ZNF678: variants seen among roughly 807,000 people sequenced by gnomAD.
ZNF678 encodes zinc finger protein 678, also known as hypothetical protein MGC42493.
ZNF678 carries 5 observed loss-of-function variants against 3.0 expected under a neutral mutation model. The observed-to-expected ratio is 1.69, with a 90% CI of 0.88 to 3.56. The LOEUF (loss-of-function observed/expected upper bound fraction) is 3.56. Ranked by LOEUF, ZNF678 falls within the 30% of genes most tolerant of loss-of-function variation. The probability of loss-of-function intolerance (pLI) is 0.00; values close to 1 mark genes in which losing one functional copy is unlikely to be tolerated. For missense variants in ZNF678, 593 were observed against 605.0 expected, an observed-to-expected ratio of 0.98 and a Z score of 0.21; for synonymous variants, 218 against 199.6, an observed-to-expected ratio of 1.09 and a Z score of -0.78.
intron 1 of ZNF678, among the ~76,000 whole-genome samples, chr1:227,605,416 ACTTT>A (rs1450230386): frequency 1.3e-5 from 2 of 152,198 alleles, no homozygotes; most frequent in Non-Finnish European, 2.9e-5. Context: ...ATGTAGAGTC[ACTTT>A]CTTTATCTTT....
In ZNF678 at chr1:227,661,039, A is replaced by G. The variant is rs1003757510; in HGVS notation, c.*5211A>G. On this transcript the variant is annotated 3_prime_UTR_variant, in exon 4 of 4. Coordinates refer to ENST00000343776, the MANE Select transcript of ZNF678 (RefSeq NM_001367909.1). ...ACCTAGAGGAGGACACAAAGGCATC[A>G]TATGTTACATTCTCGTGACATATAA... The G allele has an allele frequency of 1.3e-5, 2 of 152,208 alleles. No individual in the cohort carries two copies. Among genetic ancestry groups the G allele is most frequent in the Admixed American group, 1.3e-4 (2 of 15,278 alleles). 9.4% of individuals were successfully genotyped at this position (152,208 alleles called of 1,614,324 possible).
intron 1 of ZNF678, 81 bp downstream of exon 1, chr1:227,563,805 G>A (rs1176515592): frequency 4.0e-6 from 5 of 1,249,248 alleles, no homozygotes; most frequent in Admixed American, 2.3e-5. Flanking sequence ...CCGGAGTCCC[G>A]GCTGGCACCT....
intron 1 of ZNF678, among the ~76,000 whole-genome samples, chr1:227,640,507 G>A (rs1332852593): frequency 6.6e-6 from 1 of 152,040 alleles, no homozygotes; most frequent in Non-Finnish European, 1.5e-5. Flanking sequence ...ATTTGAACAG[G>A]TGAGCAAAAA....
intron 1 of ZNF678, among the ~76,000 whole-genome samples, chr1:227,643,534 AG>A: frequency 6.6e-6 from 1 of 152,226 alleles, no homozygotes; most frequent in South Asian, 2.1e-4. Flanking sequence ...TGATTAGGGG[AG>A]ATCAGAGGTT....
chr1:227,604,838 C>T (rs2999745), intron 1 of ZNF678, among the ~76,000 whole-genome samples: 72,629 of 151,982 alleles, frequency 0.48, 18,604 homozygotes, highest in African/African-American at 0.66. Context: ...TTATTACCTT[C>T]TTTTTCAGTT....
intron 1 of ZNF678, among the ~76,000 whole-genome samples, chr1:227,589,437 C>T (rs1297313098): frequency 1.3e-5 from 2 of 151,528 alleles, no homozygotes; most frequent in Non-Finnish European, 2.9e-5. Flanking sequence ...TTAGGTTTGT[C>T]GAGGATCAAA....
chr1:227,640,208 G>C (rs1417141303), intron 1 of ZNF678, among the ~76,000 whole-genome samples: 1 of 152,172 alleles, frequency 6.6e-6, no homozygotes, highest in Non-Finnish European at 1.5e-5. Context: ...CTTCAGGAGA[G>C]GGTGGTGAGG....
At chr1:227,586,886 CT>C (rs1657276408) in intron 1 of ZNF678, among the ~76,000 whole-genome samples, 1 of 152,202 alleles carries the variant, frequency 6.6e-6, no homozygotes. Context: ...TCCCTAATTA[CT>C]GTGGGGCAGG....
chr1:227,598,622 C>T lies in ZNF678; in HGVS notation c.-164+34898C>T, dbSNP rs189312249. 3.8e-5 allele frequency: 22 copies of T among 580,658 alleles called. 1 individual carries two copies. The highest frequency in any genetic ancestry group is 1.7e-4 in the South Asian group (9 of 53,248). 36.0% of individuals were successfully genotyped at this position (580,658 alleles called of 1,614,324 possible). A position where few individuals can be genotyped will look rare whatever the true frequency, so the allele number is the denominator to read the frequency against. On this transcript the variant is annotated intron_variant, in intron 1 of 3. Coordinates refer to ENST00000343776, the MANE Select transcript of ZNF678 (RefSeq NM_001367909.1). The stretch of plus-strand genomic sequence containing the variant: ...ATAAAGGTTTATCTTAAGAATTTAT[C>T]GTTCTCTTTTTGCTGAGCCCTTTAA...
intron 2 of ZNF678, among the ~76,000 whole-genome samples, chr1:227,648,350 ACT>A (rs1199640290): frequency 6.6e-6 from 1 of 152,016 alleles, no homozygotes; most frequent in African/African-American, 2.4e-5. Flanking sequence ...GTGTGTAACA[ACT>A]CTTTTACAAA....
intron 1 of ZNF678, among the ~76,000 whole-genome samples, chr1:227,567,296 G>T (rs888301438): frequency 2.0e-5 from 3 of 152,124 alleles, no homozygotes; most frequent in Non-Finnish European, 4.4e-5. Flanking sequence ...CACTGTCTTT[G>T]AGTGATTTTG....
At chr1:227,637,856 A>C (rs1008812105) in intron 1 of ZNF678, among the ~76,000 whole-genome samples, 25 of 152,144 alleles carry the variant, frequency 1.6e-4, no homozygotes, top group African/African-American at 6.0e-4. Context: ...GTCAGTTGTG[A>C]GCCCTCGGGT....
At chr1:227,618,568 G>T (rs557162336) in intron 1 of ZNF678, among the ~76,000 whole-genome samples, 1 of 152,192 alleles carries the variant, frequency 6.6e-6, no homozygotes, top group African/African-American at 2.4e-5. Context: ...GTCTCCTCTT[G>T]TGGGGACAGC....
intron 5 of ZNF678, among the ~76,000 whole-genome samples, chr1:227,672,989 T>A (rs1306799089): frequency 6.6e-6 from 1 of 152,168 alleles, no homozygotes; most frequent in Admixed American, 6.5e-5. Context: ...TTAAGCCCAG[T>A]AGGGTTGGCT....
At chr1:227,627,308 A>G (rs1658442748) in intron 1 of ZNF678, among the ~76,000 whole-genome samples, 1 of 151,992 alleles carries the variant, frequency 6.6e-6, no homozygotes, top group Non-Finnish European at 1.5e-5. Context: ...TCCTGAGGGG[A>G]GGAAACTATG....
At chr1:227,584,348 G>A (rs979638002) in intron 1 of ZNF678, among the ~76,000 whole-genome samples, 6 of 152,058 alleles carry the variant, frequency 3.9e-5, no homozygotes, top group African/African-American at 7.2e-5. Context: ...TAAACGAACC[G>A]TTTATCCACT....
At chr1:227,619,973 G>C (rs1456565269) in intron 1 of ZNF678, among the ~76,000 whole-genome samples, 1 of 152,144 alleles carries the variant, frequency 6.6e-6, no homozygotes, top group African/African-American at 2.4e-5. Context: ...TGCCCGAGGT[G>C]TTTTCAGAAA....
intron 1 of ZNF678, among the ~76,000 whole-genome samples, chr1:227,587,310 A>G (rs952383000): frequency 6.6e-6 from 1 of 150,774 alleles, no homozygotes; most frequent in Admixed American, 6.6e-5. Flanking sequence ...GTTCTCTGCT[A>G]CTGAACCAGG....
chr1:227,563,804 C>CG (rs1656595816), intron 1 of ZNF678, 80 bp downstream of exon 1: 5 of 1,249,150 alleles, frequency 4.0e-6, no homozygotes. Flanking sequence ...CCCGGAGTCC[C>CG]GGCTGGCACC....
Sources: gnomAD v4.1 joint callset for allele counts (sites outside exome capture counted in the v4.1 genomes callset) on GRCh38, gnomAD v4.1.1 for gene constraint, MANE v1.5 for transcripts, NCBI Gene and HGNC (gene_info 2026-07-23, HGNC 2026-07-21) for gene names.